Variants in MROH1 observed in about 807,000 individuals in gnomAD.
MROH1 encodes the protein maestro heat like repeat family member 1, also known as maestro heat-like repeat-containing protein family member 1.
In MROH1, 117 loss-of-function variants were observed where a neutral mutation model predicts 116.5. That is an observed-to-expected ratio of 1.00 (90% CI 0.86 to 1.17). The LOEUF is 1.17. Ranked by LOEUF, MROH1 falls within the 50% of genes most tolerant of loss-of-function variation. The pLI, the probability that MROH1 is intolerant of heterozygous loss-of-function variation, is 0.00. For synonymous variants in MROH1, 921 were observed against 583.9 expected, an observed-to-expected ratio of 1.58 and a Z score of -8.32; for missense variants, 1,873 against 1,338.5, an observed-to-expected ratio of 1.40 and a Z score of -6.23.
chr8:144,212,992 A>G (rs1325659326), intron 12 of MROH1: 2 of 775,326 alleles, frequency 2.6e-6, no homozygotes, highest in South Asian at 2.7e-5. Context: ...CTCGTTACAC[A>G]GGCAGCACTA....
At chr8:144,193,696 C>T (rs1014786933) in intron 10 of MROH1, among the ~76,000 whole-genome samples, 1 of 151,858 alleles carries the variant, frequency 6.6e-6, no homozygotes, top group Non-Finnish European at 1.5e-5. Context: ...GCAACCTCTG[C>T]CTCTCGGGTA....
rs138512642 is a variant in MROH1, at chr8:144,216,125, G to A, written c.1142-4475G>A. Among the ~76,000 whole-genome samples the A allele has an allele frequency of 2.6e-3, 391 of 151,894 alleles. 14 individuals carry two copies. The East Asian group carries it at 0.058, about 23-fold the overall frequency. On this transcript the variant is annotated intron_variant, in intron 12 of 43. Coordinates refer to ENST00000326134, the MANE Select transcript of MROH1 (RefSeq NM_032450.3). ...ACCTGGGAGGCGGAGGTTGCAGTGA[G>A]CCAAGATTGCACCATTGCACTCCAG... is the stretch of plus-strand genomic sequence containing the variant.
rs766693961 is a variant in MROH1, at chr8:144,180,288, C to T, written c.411C>T (p.Thr137=). The part of the protein sequence containing the change: ...EELLRRLHPG[T]LPHCAVLHTL... ...TGCTGCGCAGGCTGCACCCTGGGAC[C>T]CTGCCACACTGCGCCGTGCTGCACA... The change falls in exon 6 of 44, where the codon ACC becomes ACT. Residue 137 remains threonine (T), a synonymous_variant. Transcript: ENST00000326134. The surrounding 1 kb of genome is among the most constrained non-coding windows in gnomAD (Gnocchi z 7.4). 1.2e-6 allele frequency: 2 copies of T among 1,609,132 alleles called. No individual in the cohort carries two copies. Among genetic ancestry groups the T allele is most frequent in the African/African-American group, 1.3e-5 (1 of 74,910 alleles).
intron 10 of MROH1, chr8:144,193,004 G>C (rs1169379806): frequency 5.3e-6 from 1 of 189,112 alleles, no homozygotes. Flanking sequence ...GTGTGGTGAA[G>C]TCTGCAAGGA....
chr8:144,251,013 G>A (rs1013989985), intron 33 of MROH1: 8 of 167,754 alleles, frequency 4.8e-5, no homozygotes, highest in Admixed American at 1.6e-4. Flanking sequence ...GGCTGGCCCA[G>A]GGGCACCTGG....
rs999678954 is a variant in MROH1 at position 144,244,554 on chromosome 8, A to G, written c.2766+15A>G. 1.2e-5 allele frequency: 9 copies of G among 743,732 alleles called. No individual in the cohort carries two copies. Among genetic ancestry groups the G allele is most frequent in the Non-Finnish European group, 2.0e-5 (8 of 399,274 alleles). 46.1% of individuals were successfully genotyped at this position (743,732 alleles called of 1,614,324 possible). ...TCATGATTGAGGTGTGCAGGGGGGA[A>G]CTGTCATGGGGATGGGGATGGGGGC... On this transcript the variant is annotated intron_variant, in intron 28 of 43. Transcript: ENST00000326134.
intron 34 of MROH1, 31 bp downstream of exon 34, chr8:144,255,009 C>T (rs936908862): frequency 2.2e-4 from 163 of 728,264 alleles, no homozygotes; most frequent in East Asian, 1.9e-3. Context: ...CACCTTGACA[C>T]GCTGTCCCTG....
chr8:144,253,182 C>T (rs1843133793), intron 33 of MROH1, among the ~76,000 whole-genome samples: 1 of 151,864 alleles, frequency 6.6e-6, no homozygotes, highest in African/African-American at 2.4e-5. Context: ...GTCACTGTGG[C>T]CATCTCTACC....
At position 144,210,595 on chromosome 8, in the gene MROH1, A is replaced by C. The variant is rs143153688; in HGVS notation, c.1142-10005A>C. 2.0e-3 allele frequency among the ~76,000 whole-genome samples: 307 copies of C among 152,278 alleles called. 1 individual carries two copies. Among genetic ancestry groups the C allele is most frequent in the African/African-American group, 7.1e-3 (295 of 41,558 alleles). ...TCCCAGCTACTCAGGAGGCTAAGAC[A>C]TGAGAATCGCTTGAGCCCAGGTGGC... On this transcript the variant is annotated intron_variant, in intron 12 of 43. Coordinates refer to ENST00000326134, the MANE Select transcript of MROH1 (RefSeq NM_032450.3).
At chr8:144,213,262 G>A in intron 12 of MROH1, 1 of 615,842 alleles carries the variant, frequency 1.6e-6, no homozygotes. Flanking sequence ...CTCTTTCTCT[G>A]TAGGTTCCGT....
intron 10 of MROH1, among the ~76,000 whole-genome samples, chr8:144,194,054 C>G (rs1374818774): frequency 6.6e-6 from 1 of 151,394 alleles, no homozygotes; most frequent in Non-Finnish European, 1.5e-5. Context: ...GCAGAAAAAA[C>G]TTTTGATGAT....
intron 35 of MROH1, among the ~76,000 whole-genome samples, chr8:144,257,519 G>T (rs986644810): frequency 2.0e-5 from 3 of 152,118 alleles, no homozygotes; most frequent in Admixed American, 6.5e-5. Flanking sequence ...GTACCCAACC[G>T]TCCAGAAGCC....
rs1443204255 is a variant in MROH1, at chr8:144,259,327, G to T, written c.4017G>T (p.Arg1339Ser). 15 of 715,052 alleles carry T rather than the reference G, an allele frequency of 2.1e-5. No homozygotes were observed. Among genetic ancestry groups the T allele is most frequent in the Non-Finnish European group, 3.6e-5 (14 of 384,908 alleles). The allele number at this position is 715,052 out of a possible 1,614,324, so 44.3% of individuals were successfully genotyped here. A position where few individuals can be genotyped will look rare whatever the true frequency, so the allele number is the denominator to read the frequency against. ...ACAGCAGTGCGTATGAGAACCAGAG[G>T]GTGACCACCACCGCCTTCCTGGCCG... The part of the protein sequence containing the change: ...CTHSSAYENQ[R>S]VTTTAFLAEL... Residue 1339 changes from arginine to serine, a missense_variant, in exon 37 of 44, where the codon AGG (arginine) becomes AGT (serine). Transcript: ENST00000326134.
chr8:144,238,680 G>T, intron 14 of MROH1, 76 bp from the exon 15 acceptor site: 1 of 739,780 alleles, frequency 1.4e-6, no homozygotes, highest in Admixed American at 1.8e-5. Flanking sequence ...GGTCTGCCCC[G>T]CTTCCGGGCA....
At position 144,150,825 on chromosome 8, in the gene MROH1, G is replaced by A. The variant is rs961061207; in HGVS notation, c.-177+2749G>A. Among the ~76,000 whole-genome samples the A allele has an allele frequency of 3.5e-3, 536 of 152,280 alleles. 2 individuals carry two copies. The highest frequency in any genetic ancestry group is 6.9e-3 in the Admixed American group (106 of 15,294). On this transcript the variant is annotated intron_variant, in intron 1 of 43. Coordinates refer to ENST00000326134, the MANE Select transcript of MROH1 (RefSeq NM_032450.3). ...GAAGGGAAGTGCTGGGTAGAGTAGA[G>A]CATGGTCCCTGGCTAGGGCTCCACC...
At chr8:144,169,407 G>C (rs1289104371) in intron 4 of MROH1, among the ~76,000 whole-genome samples, 1 of 151,162 alleles carries the variant, frequency 6.6e-6, no homozygotes, top group Non-Finnish European at 1.5e-5. Context: ...AGCTGTCTTA[G>C]CTGTTTATTT....
At chr8:144,186,002 G>A (rs896120760) in intron 7 of MROH1, among the ~76,000 whole-genome samples, 13 of 152,102 alleles carry the variant, frequency 8.5e-5, no homozygotes, top group African/African-American at 2.7e-4. Flanking sequence ...GCCCAGCAGC[G>A]AGTGCTCCAG....
At chr8:144,261,386 T>A in intron 43 of MROH1, 37 bp downstream of exon 43, 1 of 700,734 alleles carries the variant, frequency 1.4e-6, no homozygotes, top group Non-Finnish European at 2.6e-6. Context: ...CGCTGGGCCC[T>A]GCTGACCCTG....
chr8:144,197,052 G>A (rs1218579392), intron 10 of MROH1, among the ~76,000 whole-genome samples: 4 of 152,034 alleles, frequency 2.6e-5, no homozygotes, highest in Non-Finnish European at 4.4e-5. Flanking sequence ...CCGAGATCGC[G>A]CCATTGCACT....
Sources: allele counts gnomAD v4.1 joint callset (sites outside exome capture counted in the v4.1 genomes callset), GRCh38; gene constraint gnomAD v4.1.1; non-coding constraint Gnocchi (gnomAD v3.1); transcripts MANE v1.5; gene names NCBI Gene and HGNC (gene_info 2026-07-23, HGNC 2026-07-21).